Variants in TEX36 observed in about 807,000 individuals in gnomAD.
The protein encoded by TEX36 is testis expressed 36, also known as testis-expressed protein 36.
TEX36 carries 12 observed loss-of-function variants against 13.6 expected under a neutral mutation model. The observed-to-expected ratio is 0.88, with a 90% confidence interval of 0.56 to 1.43. TEX36 has a LOEUF of 1.43. Among genes scored for constraint, TEX36 ranks in the 40% most tolerant of loss-of-function variants. The pLI is 0.00. For synonymous variants in TEX36, 93 were observed against 83.0 expected (o/e 1.12, Z -0.65); for missense variants, 224 against 228.3 (o/e 0.98, Z 0.12).
At chr10:125,635,016 T>C (rs574866823) in intron 3 of TEX36, among the ~76,000 whole-genome samples, 2 of 152,300 alleles carry the variant, frequency 1.3e-5, no homozygotes, top group South Asian at 4.1e-4. Context: ...GGTCTTCCCT[T>C]AAGCAAGGCA....
In TEX36 at chr10:125,576,813, G is replaced by A. The variant is rs539419432; in HGVS notation, c.326C>T (p.Pro109Leu). 1.8e-3 allele frequency: 2,724 copies of A among 1,535,968 alleles called. 91 individuals carry two copies. In the South Asian group the frequency reaches 0.03, roughly 17 times the overall value. ...ATGAGGAATGGACTGGGTCCTCACC[G>A]GCTCATAGAACTCTTGTCTCTTGTC... is the stretch of plus-strand genomic sequence containing the variant. The change falls in exon 4 of 4, where the codon CCG becomes CTG. Residue 109 changes from proline (P) to leucine (L), a missense_variant. By Grantham distance (98) the Pro-to-Leu change is moderately conservative. Coordinates refer to the TEX36 transcript ENST00000532135.
At chr10:125,633,815 C>G (rs1034371828) in intron 3 of TEX36, among the ~76,000 whole-genome samples, 1 of 152,174 alleles carries the variant, frequency 6.6e-6, no homozygotes, top group Non-Finnish European at 1.5e-5. Context: ...TGGTCTTTGA[C>G]TTTCCCATAA....
At chr10:125,681,616 G>C (rs1234624957) in intron 1 of TEX36, among the ~76,000 whole-genome samples, 1 of 152,142 alleles carries the variant, frequency 6.6e-6, no homozygotes, top group African/African-American at 2.4e-5. Context: ...TCTTTCTAAA[G>C]TATTTATAAA....
At chr10:125,612,980 C>T (rs1003481007) in intron 3 of TEX36, among the ~76,000 whole-genome samples, 2 of 151,964 alleles carry the variant, frequency 1.3e-5, no homozygotes, top group Admixed American at 1.3e-4. Flanking sequence ...CCACCAGCCA[C>T]CCCCACCAAA....
At chr10:125,587,976 A>G (rs1410885592) in intron 3 of TEX36, among the ~76,000 whole-genome samples, 1 of 152,090 alleles carries the variant, frequency 6.6e-6, no homozygotes. Flanking sequence ...TTTGTTTTTT[A>G]ACTAGATTCT....
At chr10:125,627,535 T>C (rs1846502886) in intron 3 of TEX36, among the ~76,000 whole-genome samples, 1 of 152,234 alleles carries the variant, frequency 6.6e-6, no homozygotes, top group Non-Finnish European at 1.5e-5. Context: ...CGTCATTTTC[T>C]ATTTAAGCAT....
At chr10:125,634,631 G>C (rs1324215929) in intron 3 of TEX36, among the ~76,000 whole-genome samples, 7 of 152,086 alleles carry the variant, frequency 4.6e-5, no homozygotes, top group Admixed American at 4.6e-4. Flanking sequence ...ACACATCTTT[G>C]GTTGCGTGCT....
intron 3 of TEX36, among the ~76,000 whole-genome samples, chr10:125,586,947 CT>C (rs1845961067): frequency 6.6e-6 from 1 of 152,102 alleles, no homozygotes; most frequent in Non-Finnish European, 1.5e-5. Flanking sequence ...CACCATCCCC[CT>C]AGTGCTGTTT....
At chr10:125,622,669 C>G (rs1320024057) in intron 3 of TEX36, among the ~76,000 whole-genome samples, 2 of 152,230 alleles carry the variant, frequency 1.3e-5, no homozygotes, top group Non-Finnish European at 2.9e-5. Context: ...GTCGTAGAGC[C>G]ATTGACCTTA....
chr10:125,637,833 G>C (rs140304269), intron 3 of TEX36, among the ~76,000 whole-genome samples: 1 of 151,900 alleles, frequency 6.6e-6, no homozygotes. Flanking sequence ...TTTCCACTTC[G>C]CATTCTTCAT....
intron 3 of TEX36, among the ~76,000 whole-genome samples, chr10:125,636,633 C>A (rs1347639840): frequency 6.6e-6 from 1 of 152,128 alleles, no homozygotes; most frequent in East Asian, 1.9e-4. Context: ...ACCCGTGTTC[C>A]AGTTCTGTAA....
chr10:125,629,493 A>G (rs1565178522), intron 3 of TEX36, among the ~76,000 whole-genome samples: 1 of 152,246 alleles, frequency 6.6e-6, no homozygotes, highest in Non-Finnish European at 1.5e-5. Flanking sequence ...ATAATGAAGC[A>G]TTATTTAATC....
At position 125,670,322 on chromosome 10, in the gene TEX36, G is replaced by C. The variant is rs1250503621; in HGVS notation, c.52-8345C>G. 2.0e-5 allele frequency among the ~76,000 whole-genome samples: 3 copies of C among 152,138 alleles called. No homozygotes were observed. The South Asian group carries it at 6.2e-4, about 31-fold the overall frequency. On this transcript the variant is annotated intron_variant, in intron 1 of 3. Transcript: ENST00000368821. The stretch of plus-strand genomic sequence containing the variant: ...TCAGATGGTATCTCATTGTGGTTTT[G>C]ATTTGCATTTCTCTAATGATCAGTG...
intron 1 of TEX36, among the ~76,000 whole-genome samples, chr10:125,677,442 C>T (rs1847328823): frequency 6.6e-6 from 1 of 152,082 alleles, no homozygotes; most frequent in Non-Finnish European, 1.5e-5. Context: ...TTTCAAAAGA[C>T]CTGTCTTCAA....
chr10:125,637,694 A>G (rs1589765985), intron 3 of TEX36, among the ~76,000 whole-genome samples: 1 of 152,090 alleles, frequency 6.6e-6, no homozygotes, highest in Admixed American at 6.5e-5. Context: ...ACCCCCAGGT[A>G]CCTGACTCAG....
chr10:125,671,778 G>A (rs770186856), intron 1 of TEX36, among the ~76,000 whole-genome samples: 1 of 152,110 alleles, frequency 6.6e-6, no homozygotes, highest in Non-Finnish European at 1.5e-5. Flanking sequence ...TGTTTGGTTG[G>A]TAGGCTATTA....
Position 125,609,158 on chromosome 10 carries a change from AAAAAACAAAAC to A in TEX36, c.265-32295_265-32285del, listed in dbSNP as rs899674454. 3.6e-4 allele frequency among the ~76,000 whole-genome samples: 40 copies of A among 111,188 alleles called. 2 individuals carry two copies. The highest frequency in any genetic ancestry group is 2.1e-3 in the African/African-American group (38 of 18,020). The allele number at this position is 111,188 out of a possible 152,430, so 72.9% of individuals were successfully genotyped here. On this transcript the variant is annotated intron_variant, in intron 3 of 3. Transcript: ENST00000532135. ...CAACAGAGGGAGACTCCATCTCAGG[AAAAAACAAAAC>A]AAAAAAAAAAAAACTTTTAAACTAA...
intron 3 of TEX36, among the ~76,000 whole-genome samples, chr10:125,622,357 G>A (rs912986547): frequency 1.3e-5 from 2 of 152,178 alleles, no homozygotes; most frequent in Non-Finnish European, 1.5e-5. Context: ...CTTAGTACAG[G>A]TGTATACATG....
At chr10:125,674,636 T>C (rs1277564390) in intron 1 of TEX36, among the ~76,000 whole-genome samples, 2 of 152,256 alleles carry the variant, frequency 1.3e-5, no homozygotes, top group Non-Finnish European at 2.9e-5. Flanking sequence ...GCTATTGTTT[T>C]TGTTGCATTC....
Sources: gnomAD v4.1 joint callset for allele counts (sites outside exome capture counted in the v4.1 genomes callset) on GRCh38, gnomAD v4.1.1 for gene constraint, MANE v1.5 for transcripts, NCBI Gene and HGNC (gene_info 2026-07-23, HGNC 2026-07-21) for gene names.